LIN7B: variants seen among roughly 807,000 people sequenced by gnomAD.
LIN7B encodes the protein lin-7 cell polarity scaffold B.
A neutral mutation model predicts 27.9 loss-of-function variants in LIN7B; 16 were observed. That is an observed-to-expected ratio of 0.57 (90% CI 0.39 to 0.87). The LOEUF (loss-of-function observed/expected upper bound fraction) is 0.87. LIN7B is among the 40% of genes least tolerant of loss of function. The pLI, the probability that LIN7B is intolerant of heterozygous loss-of-function variation, is 0.00. For synonymous variants in LIN7B, 147 were observed against 120.8 expected (o/e 1.22, Z -1.42); for missense variants, 291 against 288.5 (o/e 1.01, Z -0.06).
chr19:49,114,487 A>G, intron 1 of LIN7B, 46 bp downstream of exon 1: 1 of 1,188,204 alleles, frequency 8.4e-7, no homozygotes, highest in Non-Finnish European at 1.0e-6. Flanking sequence ...CGCGGCCTAC[A>G]TACCCAGCCC....
At chr19:49,118,228 A>G (rs994801029) in intron 5 of LIN7B, 124 bp from the exon 6 acceptor site, 3 of 1,340,086 alleles carry the variant, frequency 2.2e-6, no homozygotes, top group Middle Eastern at 1.9e-4. Flanking sequence ...AAGATACGGA[A>G]CCTACTGTGG....
Position 49,116,470 on chromosome 19 carries a change from G to A in LIN7B, c.436G>A (p.Val146Met), listed in dbSNP as rs1453817051. The A allele has an allele frequency of 1.9e-6, 3 of 1,613,500 alleles. No homozygotes were observed. The highest frequency in any genetic ancestry group is 2.5e-6 in the Non-Finnish European group (3 of 1,179,608). The part of the protein sequence containing the change: ...RGDQLLSVNG[V>M]SVEGEQHEKA... ...GGATCAACTGTTGTCGGTGAACGGT[G>A]TGGTGAGTGGAGGGCTGAGGCAGGA... Residue 146 changes from valine to methionine, a missense_variant and splice_region_variant, in exon 4 of 6, where the codon GTG becomes ATG. Transcript: ENST00000221459.
chr19:49,118,301 G>C, intron 5 of LIN7B, 51 bp from the exon 6 acceptor site: 2 of 1,607,032 alleles, frequency 1.2e-6, no homozygotes, highest in Non-Finnish European at 1.7e-6. Flanking sequence ...TGCCCCTCTT[G>C]TCTACCCGGA....
Position 49,116,432 on chromosome 19 carries a change from G to C in LIN7B, c.398G>C (p.Gly133Ala), listed in dbSNP as rs2040826876. 3.1e-6 allele frequency: 5 copies of C among 1,614,122 alleles called. No homozygotes were observed. Among genetic ancestry groups the C allele is most frequent in the Non-Finnish European group, 4.2e-6 (5 of 1,180,038 alleles). The change falls in exon 4 of 6, where the codon GGC (glycine) becomes GCC (alanine). Residue 133 changes from glycine to alanine, a missense_variant. Gly to Ala is a moderately conservative substitution (Grantham distance 60, BLOSUM62 0). Transcript: ENST00000221459. ...GGGGGTGTGGCTGACCGCCATGGAG[G>C]CCTCAAGCGTGGGGATCAACTGTTG... is the stretch of plus-strand genomic sequence containing the variant. ...IPGGVADRHGGLKRGDQLLSV... is the reference protein window; with the variant it reads ...IPGGVADRHGALKRGDQLLSV...
Position 49,117,981 on chromosome 19 carries a change from C to T in LIN7B, c.565C>T (p.Arg189Cys), listed in dbSNP as rs926756683. ...GATGGAGGCCCGGTTCGAGAAGATG[C>T]GCTCTGCCCGCCGGCGCCAACAGCA... ...EEMEARFEKM[R>C]SARRRQQHQS... Residue 189 changes from arginine (R) to cysteine (C), a missense_variant, in exon 5 of 6, where the codon CGC becomes TGC. Arg to Cys is a radical substitution (Grantham distance 180, BLOSUM62 -3). Transcript: ENST00000221459. 12 of 1,613,850 alleles carry T rather than the reference C, an allele frequency of 7.4e-6. No individual in the cohort carries two copies. The highest frequency in any genetic ancestry group is 1.6e-4 in the Middle Eastern group (1 of 6,076).
At chr19:49,118,119 C>T (rs2122476999) in intron 5 of LIN7B, 101 bp downstream of exon 5, 2 of 1,537,756 alleles carry the variant, frequency 1.3e-6, no homozygotes, top group Non-Finnish European at 8.8e-7. Context: ...CAGCCCTGGC[C>T]CCTCCTCTGG....
Position 49,114,975 on chromosome 19 carries a change from G to A in LIN7B, c.156+8G>A, listed in dbSNP as rs776700769. 1.6e-5 allele frequency: 23 copies of A among 1,412,512 alleles called. No homozygotes were observed. The highest frequency in any genetic ancestry group is 2.8e-5 in the Admixed American group (1 of 35,500). 87.5% of individuals were successfully genotyped at this position (1,412,512 alleles called of 1,614,324 possible). On this transcript the variant is annotated splice_region_variant and intron_variant, in intron 2 of 5. Coordinates refer to ENST00000221459, the MANE Select transcript of LIN7B (RefSeq NM_022165.3). ...TGCTCCGCTATCCGAGAGGTGAGGG[G>A]CGCGCGGCGCAGGGGCGCGAGCTGG... is the stretch of plus-strand genomic sequence containing the variant.
At chr19:49,115,175 G>T (rs2040805185) in intron 2 of LIN7B, 85 bp from the exon 3 acceptor site, 1 of 1,214,106 alleles carries the variant, frequency 8.2e-7, no homozygotes, top group Non-Finnish European at 1.1e-6. Flanking sequence ...TTGCGTGGTA[G>T]CGGGAGAGGG....
rs371234040 is a variant in LIN7B at position 49,115,107 on chromosome 19, G to T, written c.156+140G>T. On this transcript the variant is annotated intron_variant, in intron 2 of 5. Coordinates refer to ENST00000221459, the MANE Select transcript of LIN7B (RefSeq NM_022165.3). Reference sequence around the variant, plus strand: ...CTTGGGGTGCCAACGCTTCAGCTCAGGGGTTCTTCGGGAGTTGTAGTTTTC... The same window carrying T: ...CTTGGGGTGCCAACGCTTCAGCTCATGGGTTCTTCGGGAGTTGTAGTTTTC... 1.8e-5 allele frequency: 16 copies of T among 890,874 alleles called. No homozygotes were observed. In the East Asian group the frequency reaches 4.4e-4, roughly 25 times the overall value. 55.2% of individuals were successfully genotyped at this position (890,874 alleles called of 1,614,324 possible). A position where few individuals can be genotyped will look rare whatever the true frequency, so the allele number is the denominator to read the frequency against.
At position 49,114,966 on chromosome 19, in the gene LIN7B, A is replaced by T; in HGVS notation, c.155A>T (p.Glu52Val). The change falls in exon 2 of 6, where the codon GAG becomes GTG. Residue 52 changes from glutamate to valine, a missense_variant and splice_region_variant. Glu to Val is a moderately radical substitution (Grantham distance 121, BLOSUM62 -2). Transcript: ENST00000221459. ...AGCCGCTTCTGCTCCGCTATCCGAG[A>T]GGTGAGGGGCGCGCGGCGCAGGGGC... is the stretch of plus-strand genomic sequence containing the variant. Reference protein sequence around the residue: ...LQSRFCSAIREVYEQLYDTLD... With the variant: ...LQSRFCSAIRVVYEQLYDTLD... 1 of 1,414,424 alleles carries T rather than the reference A, an allele frequency of 7.1e-7. No individual in the cohort carries two copies. The highest frequency in any genetic ancestry group is 9.2e-7 in the Non-Finnish European group (1 of 1,083,476). The allele number at this position is 1,414,424 out of a possible 1,614,324, so 87.6% of individuals were successfully genotyped here.
At position 49,116,608 on chromosome 19, in the gene LIN7B, T is replaced by A. The variant is rs2040830267; in HGVS notation, c.438+136T>A. The A allele has an allele frequency of 6.1e-6, 5 of 825,560 alleles. No individual in the cohort carries two copies. The East Asian group carries it at 1.1e-4, about 18-fold the overall frequency. 51.1% of individuals were successfully genotyped at this position (825,560 alleles called of 1,614,324 possible). A position where few individuals can be genotyped will look rare whatever the true frequency, so the allele number is the denominator to read the frequency against. On this transcript the variant is annotated intron_variant, in intron 4 of 5. Coordinates refer to ENST00000221459, the MANE Select transcript of LIN7B (RefSeq NM_022165.3). ...CTGTGCTGGGCAATGTTACAGACTC[T>A]GAGAGATGTTGGCCTCAGCTCCCTA...
chr19:49,118,034 A>AC lies in LIN7B; in HGVS notation c.602+18dup. On this transcript the variant is annotated intron_variant, in intron 5 of 5. Transcript: ENST00000221459. ...AGAGCTACTCGTGAGCCCCTGGGTC[A>AC]CCACACCCCTGGGGCCTCCACGGGC... 6.2e-7 allele frequency: 1 copy of AC among 1,613,516 alleles called. No individual in the cohort carries two copies. Among genetic ancestry groups the AC allele is most frequent in the Non-Finnish European group, 8.5e-7 (1 of 1,179,822 alleles).
Position 49,117,764 on chromosome 19 carries a change from C to G in LIN7B, c.439-91C>G, listed in dbSNP as rs111534680. ...AGGCATTGACATCTCAGGGCTGGCA[C>G]CAGGCTCACTAGCAGTGGGTCCCAT... On this transcript the variant is annotated intron_variant, in intron 4 of 5. Coordinates refer to ENST00000221459, the MANE Select transcript of LIN7B (RefSeq NM_022165.3). The G allele has an allele frequency of 8.6e-4, 990 of 1,157,574 alleles. 5 individuals are homozygous for G. In the African/African-American group the frequency reaches 0.012, roughly 14 times the overall value. The allele number at this position is 1,157,574 out of a possible 1,614,324, so 71.7% of individuals were successfully genotyped here. A position where few individuals can be genotyped will look rare whatever the true frequency, so the allele number is the denominator to read the frequency against.
Position 49,115,299 on chromosome 19 carries a change from AGC to A in LIN7B, c.199_200del (p.Ala67ArgfsTer34). The A allele has an allele frequency of 5.7e-6, 9 of 1,569,768 alleles. No individual in the cohort carries two copies. Among genetic ancestry groups the A allele is most frequent in the Non-Finnish European group, 6.9e-6 (8 of 1,156,538 alleles). On this transcript the variant is annotated frameshift_variant, in exon 3 of 6. Coordinates refer to ENST00000221459, the MANE Select transcript of LIN7B (RefSeq NM_022165.3). LOFTEE classifies it high-confidence loss of function. Reference sequence around the variant, plus strand: ...TTATGACACGCTGGACATCACCGGCAGCGCCGAGATCCGAGCCCATGCCACAG... The same window carrying A: ...TTATGACACGCTGGACATCACCGGCAGCCGAGATCCGAGCCCATGCCACAG... ...QLYDTLDITGSAEIRAHATAK... is the reference protein window; with the variant it reads ...QLYDTLDITGXAEIRAHATAK...
chr19:49,116,071 A>G lies in LIN7B; in HGVS notation c.229-192A>G, dbSNP rs951553085. On this transcript the variant is annotated intron_variant, in intron 3 of 5. Coordinates refer to ENST00000221459, the MANE Select transcript of LIN7B (RefSeq NM_022165.3). The stretch of plus-strand genomic sequence containing the variant: ...TATTCAAGACACACACCAAATGGAC[A>G]CTTTCTCTTGCAAGTGAACAGAAAG... 8.8e-6 allele frequency: 5 copies of G among 570,032 alleles called. No individual in the cohort carries two copies. The Admixed American group carries it at 1.3e-4, about 15-fold the overall frequency. 35.3% of individuals were successfully genotyped at this position (570,032 alleles called of 1,614,324 possible).
rs1377454940 is a variant in LIN7B, at chr19:49,118,334, TGTC to T, written c.603-17_603-15del. 3 of 1,614,046 alleles carry T rather than the reference TGTC, an allele frequency of 1.9e-6. No individual in the cohort carries two copies. The Admixed American group carries it at 5.0e-5, about 27-fold the overall frequency. ...GGAGCCTCCCTGATCCCGGGTCCCT[TGTC>T]CACCCCCCTTGCAGGTCCTTGGAGT... On this transcript the variant is annotated splice_polypyrimidine_tract_variant and intron_variant, in intron 5 of 5. Coordinates refer to ENST00000221459, the MANE Select transcript of LIN7B (RefSeq NM_022165.3).
chr19:49,116,845 G>A lies in LIN7B; in HGVS notation c.438+373G>A, dbSNP rs143472285. On this transcript the variant is annotated intron_variant, in intron 4 of 5. Coordinates refer to ENST00000221459, the MANE Select transcript of LIN7B (RefSeq NM_022165.3). ...TCTCCAGGCAAACAAGGTACAGGGT[G>A]TTCCTGCTGAGGGTACTGTAGATAA... Among the ~76,000 whole-genome samples the A allele has an allele frequency of 1.3e-3, 199 of 152,296 alleles. 2 individuals carry two copies. The highest frequency in any genetic ancestry group is 4.4e-3 in the African/African-American group (184 of 41,566).
chr19:49,116,460 G>C lies in LIN7B; in HGVS notation c.426G>C (p.Ser142=), dbSNP rs749867417. The C allele has an allele frequency of 1.2e-6, 2 of 1,613,980 alleles. No homozygotes were observed. Among genetic ancestry groups the C allele is most frequent in the Non-Finnish European group, 1.7e-6 (2 of 1,179,890 alleles). Residue 142 remains serine (S), a synonymous_variant, in exon 4 of 6, where the codon TCG becomes TCC. Coordinates refer to ENST00000221459, the MANE Select transcript of LIN7B (RefSeq NM_022165.3). ...TCAAGCGTGGGGATCAACTGTTGTCGGTGAACGGTGTGGTGAGTGGAGGGC... is the reference window on the plus strand; with the variant it reads ...TCAAGCGTGGGGATCAACTGTTGTCCGTGAACGGTGTGGTGAGTGGAGGGC... ...GGLKRGDQLL[S]VNGVSVEGEQ...
At chr19:49,118,061 C>T (rs1026858772) in intron 5 of LIN7B, 43 bp downstream of exon 5, 1 of 1,606,104 alleles carries the variant, frequency 6.2e-7, no homozygotes, top group Non-Finnish European at 8.5e-7. Context: ...TCCACGGGCT[C>T]CCTTTAACCC....
Sources: gnomAD v4.1 joint callset for allele counts (sites outside exome capture counted in the v4.1 genomes callset) on GRCh38, gnomAD v4.1.1 for gene constraint, MANE v1.5 for transcripts, NCBI Gene and HGNC (gene_info 2026-07-23, HGNC 2026-07-21) for gene names.